CORO2B: variants seen among roughly 807,000 people sequenced by gnomAD.
CORO2B encodes the protein coronin-2B.
In CORO2B, 26 loss-of-function variants were observed where a neutral mutation model predicts 58.8. That is an observed-to-expected ratio of 0.44 (90% CI 0.32 to 0.61). CORO2B has a LOEUF of 0.61. Among genes scored for constraint, CORO2B ranks in the 20% least tolerant of loss-of-function variants. The pLI, the probability that CORO2B is intolerant of heterozygous loss-of-function variation, is 0.04. For synonymous variants in CORO2B, 242 were observed against 253.8 expected (o/e 0.95, Z 0.44); for missense variants, 460 against 645.1 (o/e 0.71, Z 3.11).
chr15:68,542,345 A>G, the CORO2B span, among the ~76,000 whole-genome samples: 4 of 152,224 alleles, frequency 2.6e-5, no homozygotes, highest in Non-Finnish European at 5.9e-5. Flanking sequence ...CCTACATTTC[A>G]AGTAATTACA....
At chr15:68,646,298 G>A (rs1270249256) in intron 2 of CORO2B, among the ~76,000 whole-genome samples, 1 of 152,226 alleles carries the variant, frequency 6.6e-6, no homozygotes, top group Admixed American at 6.5e-5. Context: ...GAAAGTGCTT[G>A]CTGTCAGTCC....
intron 7 of CORO2B, among the ~76,000 whole-genome samples, chr15:68,714,947 G>A (rs577320475): frequency 1.1e-4 from 17 of 152,242 alleles, no homozygotes; most frequent in Admixed American, 6.5e-4. Context: ...TGAGATACCC[G>A]CCAGGAGATC....
At chr15:68,716,543 C>T (rs1893036259) in intron 8 of CORO2B, among the ~76,000 whole-genome samples, 1 of 152,190 alleles carries the variant, frequency 6.6e-6, no homozygotes, top group Non-Finnish European at 1.5e-5. Context: ...GAGCAGGAGA[C>T]AGGCAATAAA....
the CORO2B span, among the ~76,000 whole-genome samples, chr15:68,561,540 C>T: frequency 6.6e-6 from 1 of 152,196 alleles, no homozygotes; most frequent in South Asian, 2.1e-4. Context: ...CCCCTCCTCC[C>T]TCAATCTTGC....
At chr15:68,700,285 G>T (rs918498634) in intron 3 of CORO2B, among the ~76,000 whole-genome samples, 5 of 152,208 alleles carry the variant, frequency 3.3e-5, no homozygotes, top group African/African-American at 1.2e-4. Flanking sequence ...GGCCACAGGG[G>T]CCCAGAGGGA....
the CORO2B span, among the ~76,000 whole-genome samples, chr15:68,555,498 G>C: frequency 1.3e-5 from 2 of 152,200 alleles, no homozygotes; most frequent in Admixed American, 6.5e-5. Flanking sequence ...TGGGCAGGGG[G>C]GAGAGAAGGC....
At chr15:68,577,955 T>C (rs559217104), upstream of CORO2B, among the ~76,000 whole-genome samples, 8 of 152,226 alleles carry the variant, frequency 5.3e-5, no homozygotes, top group African/African-American at 1.7e-4. Context: ...AGCCAGCACT[T>C]CCGGGCTTGC....
At chr15:68,689,010 A>T (rs1892291776) in intron 2 of CORO2B, among the ~76,000 whole-genome samples, 1 of 150,586 alleles carries the variant, frequency 6.6e-6, no homozygotes, top group African/African-American at 2.4e-5. Context: ...ATTGGCACAC[A>T]GGGTGTATTT....
At chr15:68,556,033 A>G in the CORO2B span, among the ~76,000 whole-genome samples, 1 of 152,298 alleles carries the variant, frequency 6.6e-6, no homozygotes, top group African/African-American at 2.4e-5. Flanking sequence ...AAGAGAATCC[A>G]CTCATCTCTG....
chr15:68,705,390 A>G (rs1356303613), intron 3 of CORO2B, among the ~76,000 whole-genome samples: 1 of 149,352 alleles, frequency 6.7e-6, no homozygotes, highest in Non-Finnish European at 1.5e-5. Flanking sequence ...GTAAGCTGAG[A>G]TCACATCACT....
chr15:68,639,265 G>T (rs772754372), intron 1 of CORO2B, among the ~76,000 whole-genome samples: 16 of 152,306 alleles, frequency 1.1e-4, no homozygotes, highest in South Asian at 8.3e-4. Flanking sequence ...CTATAAGGGA[G>T]CCCTGAACCC....
rs114555647 is a variant in CORO2B at position 68,592,036 on chromosome 15, A to T, written c.15+12759A>T. Among the ~76,000 whole-genome samples, 988 of 152,188 alleles carry T rather than the reference A, an allele frequency of 6.5e-3. 6 individuals are homozygous for T. The highest frequency in any genetic ancestry group is 0.02 in the African/African-American group (847 of 41,512). On this transcript the variant is annotated intron_variant, in intron 1 of 11. Transcript: ENST00000261861. ...CTTCTGGATGCGAGTTTATGCCCTG[A>T]TGCTGCCCAGCCTTGGGCCCTGTTT...
intron 1 of CORO2B, among the ~76,000 whole-genome samples, chr15:68,609,469 G>A (rs892332224): frequency 2.6e-5 from 4 of 152,174 alleles, no homozygotes; most frequent in Non-Finnish European, 5.9e-5. Flanking sequence ...AAGCATCTAG[G>A]TGTGAGGAAT....
At chr15:68,542,323 C>T in the CORO2B span, among the ~76,000 whole-genome samples, 1 of 152,102 alleles carries the variant, frequency 6.6e-6, no homozygotes. Flanking sequence ...TTTCTGTCTT[C>T]AAACTTCTTT....
At chr15:68,636,008 G>A (rs1323648818) in intron 1 of CORO2B, among the ~76,000 whole-genome samples, 11 of 152,160 alleles carry the variant, frequency 7.2e-5, no homozygotes, top group African/African-American at 1.4e-4. Context: ...GAGAGACCTC[G>A]GTGACAGCTC....
the CORO2B span, among the ~76,000 whole-genome samples, chr15:68,568,618 C>T: frequency 6.6e-6 from 1 of 152,208 alleles, no homozygotes; most frequent in Non-Finnish European, 1.5e-5. Flanking sequence ...AATAAACCAT[C>T]CTACCATTTA....
chr15:68,632,039 A>G, intron 1 of CORO2B: 1 of 985,468 alleles, frequency 1.0e-6, no homozygotes, highest in Non-Finnish European at 1.2e-6. Context: ...GAGGGTGACT[A>G]GCAGCCAGGC....
intron 2 of CORO2B, among the ~76,000 whole-genome samples, chr15:68,673,701 G>A (rs1248212170): frequency 1.3e-5 from 2 of 151,950 alleles, no homozygotes; most frequent in East Asian, 3.9e-4. Flanking sequence ...GCCAGGCGTG[G>A]TGGCATGCGC....
chr15:68,627,368 TG>T (rs2140256835), intron 1 of CORO2B, among the ~76,000 whole-genome samples: 1 of 151,880 alleles, frequency 6.6e-6, no homozygotes, highest in African/African-American at 2.4e-5. Flanking sequence ...TGCCTGAGAG[TG>T]GTTTATGGAC....
Sources: gnomAD v4.1 joint callset for allele counts (sites outside exome capture counted in the v4.1 genomes callset) on GRCh38, gnomAD v4.1.1 for gene constraint, MANE v1.5 for transcripts, NCBI Gene and HGNC (gene_info 2026-07-23, HGNC 2026-07-21) for gene names.